Variants in EVI5 observed in about 807,000 individuals in gnomAD.
The protein encoded by EVI5 is ecotropic viral integration site 5.
Under a neutral mutation model 112.0 loss-of-function variants are expected in EVI5, and 73 were observed. That is an observed-to-expected ratio of 0.65 (90% CI 0.54 to 0.79). EVI5 has a LOEUF of 0.79. Among genes scored for constraint, EVI5 ranks in the 30% least tolerant of loss-of-function variants. The probability of loss-of-function intolerance (pLI) is 0.00; values close to 1 mark genes in which losing one functional copy is unlikely to be tolerated. For missense variants in EVI5, 900 were observed against 968.8 expected (o/e 0.93, Z 0.94); for synonymous variants, 305 against 319.9 (o/e 0.95, Z 0.50).
Position 92,513,601 on chromosome 1 carries a change from A to C in EVI5, c.*55T>G. 3 of 1,034,026 alleles carry C rather than the reference A, an allele frequency of 2.9e-6. No homozygotes were observed. Among genetic ancestry groups the C allele is most frequent in the Non-Finnish European group, 2.7e-6 (2 of 741,410 alleles). 64.1% of individuals were successfully genotyped at this position (1,034,026 alleles called of 1,614,324 possible). On this transcript the variant is annotated 3_prime_UTR_variant, in exon 20 of 20. Coordinates refer to ENST00000684568, the MANE Select transcript of EVI5 (RefSeq NM_001350197.2). ...AAACAAATTATTTCCAAAAAGCCCT[A>C]ATCATATGATAACTGATCCCTTAAA...
chr1:92,624,601 G>A (rs996053180), intron 15 of EVI5, among the ~76,000 whole-genome samples: 1 of 139,140 alleles, frequency 7.2e-6, no homozygotes, highest in Non-Finnish European at 1.5e-5. Context: ...CCAGCACTTT[G>A]GGAGGCCAAG....
chr1:92,554,066 G>C (rs1667350812), intron 19 of EVI5, among the ~76,000 whole-genome samples: 2 of 152,170 alleles, frequency 1.3e-5, no homozygotes, highest in African/African-American at 4.8e-5. Flanking sequence ...ATATTTAAAA[G>C]CTACAATGCT....
chr1:92,562,582 T>A (rs1668800883), intron 19 of EVI5, among the ~76,000 whole-genome samples: 1 of 152,194 alleles, frequency 6.6e-6, no homozygotes, highest in African/African-American at 2.4e-5. Context: ...ATATGTAAGA[T>A]CCTGAATCCC....
chr1:92,772,574 A>G (rs1013617509), intron 1 of EVI5, among the ~76,000 whole-genome samples: 2 of 152,108 alleles, frequency 1.3e-5, no homozygotes, highest in Non-Finnish European at 2.9e-5. Context: ...TCCAAAATAA[A>G]TGAAAGTGTA....
intron 19 of EVI5, among the ~76,000 whole-genome samples, chr1:92,543,822 C>T (rs1265594082): frequency 1.3e-5 from 2 of 152,096 alleles, no homozygotes; most frequent in Non-Finnish European, 2.9e-5. Flanking sequence ...AGTGAGCACA[C>T]GCTGTTGGAA....
chr1:92,579,202 T>A (rs1435083094), intron 18 of EVI5, among the ~76,000 whole-genome samples: 1 of 152,198 alleles, frequency 6.6e-6, no homozygotes, highest in Non-Finnish European at 1.5e-5. Context: ...TCTGTAGCAT[T>A]GGATGATCAG....
chr1:92,707,203 CAAG>C (rs1672156040), intron 2 of EVI5, among the ~76,000 whole-genome samples: 1 of 85,124 alleles, frequency 1.2e-5, no homozygotes, highest in Non-Finnish European at 2.5e-5. Flanking sequence ...AAAAAAAACA[CAAG>C]AAAACCTCTT....
At chr1:92,741,380 T>C (rs890412121) in intron 1 of EVI5, among the ~76,000 whole-genome samples, 1 of 152,150 alleles carries the variant, frequency 6.6e-6, no homozygotes, top group Non-Finnish European at 1.5e-5. Context: ...TTGAGGAGTA[T>C]CTGAGAGATA....
At chr1:92,588,621 T>A (rs574947840) in intron 18 of EVI5, among the ~76,000 whole-genome samples, 13 of 152,374 alleles carry the variant, frequency 8.5e-5, no homozygotes, top group African/African-American at 2.9e-4. Context: ...TTTATTTTTT[T>A]CATCTAACTT....
At chr1:92,761,522 G>A (rs894216858) in intron 1 of EVI5, among the ~76,000 whole-genome samples, 1 of 152,094 alleles carries the variant, frequency 6.6e-6, no homozygotes, top group African/African-American at 2.4e-5. Flanking sequence ...TGCATACATC[G>A]TTATGTCTCC....
chr1:92,608,482 T>C (rs764308231), intron 16 of EVI5, among the ~76,000 whole-genome samples: 25 of 152,178 alleles, frequency 1.6e-4, no homozygotes, highest in Non-Finnish European at 2.6e-4. Context: ...GGTGGGCAGA[T>C]CACTTGTGGC....
chr1:92,740,755 A>G (rs1401155239), intron 1 of EVI5, among the ~76,000 whole-genome samples: 1 of 152,224 alleles, frequency 6.6e-6, no homozygotes, highest in Non-Finnish European at 1.5e-5. Context: ...TAAAGATAGT[A>G]CCTTACCCTG....
chr1:92,558,337 T>TTA (rs1553181227), intron 19 of EVI5, among the ~76,000 whole-genome samples: 2 of 151,912 alleles, frequency 1.3e-5, no homozygotes, highest in African/African-American at 4.8e-5. Context: ...AATTTCAGAC[T>TTA]CATATCCACT....
At chr1:92,700,089 A>G (rs1330404866) in intron 5 of EVI5, among the ~76,000 whole-genome samples, 1 of 152,162 alleles carries the variant, frequency 6.6e-6, no homozygotes, top group Admixed American at 6.5e-5. Context: ...CAAAATGAAA[A>G]AATGTGACAC....
At chr1:92,569,695 A>C (rs1007505341) in intron 18 of EVI5, among the ~76,000 whole-genome samples, 9 of 151,900 alleles carry the variant, frequency 5.9e-5, no homozygotes, top group Admixed American at 2.6e-4. Context: ...CTCTACTAAA[A>C]ATACAAAAAC....
In EVI5 at chr1:92,704,618, A is replaced by G; in HGVS notation, c.276T>C (p.Ile92=). The change falls in exon 3 of 20, where the codon ATT becomes ATC. Residue 92 remains isoleucine, a synonymous_variant. Transcript: ENST00000684568. ...NLSHLEEDSW[I]LWGRIVNEWE... Reference sequence around the variant, plus strand: ...ATTCATTAACAATTCTTCCCCAAAGAATCCAAGAATCTTCTTCAAGGTGAC... The same window carrying G: ...ATTCATTAACAATTCTTCCCCAAAGGATCCAAGAATCTTCTTCAAGGTGAC... 1 of 1,599,360 alleles carries G rather than the reference A, an allele frequency of 6.3e-7. No homozygotes were observed. The highest frequency in any genetic ancestry group is 8.5e-7 in the Non-Finnish European group (1 of 1,172,636).
intron 19 of EVI5, among the ~76,000 whole-genome samples, chr1:92,545,147 A>C (rs6658232): frequency 0.94 from 143,096 of 152,324 alleles, 67,335 homozygotes; most frequent in East Asian, 1. Flanking sequence ...TTTATCAATT[A>C]CTCTTTAATT....
intron 1 of EVI5, among the ~76,000 whole-genome samples, chr1:92,767,096 A>AAT (rs1461311053): frequency 1.3e-5 from 2 of 151,570 alleles, no homozygotes; most frequent in Non-Finnish European, 2.9e-5. Flanking sequence ...AAAAAAAAAA[A>AAT]AAAAAATCCA....
At position 92,697,935 on chromosome 1, in the gene EVI5, A is replaced by C; in HGVS notation, c.690T>G (p.Tyr230Ter). 1.2e-6 allele frequency: 2 copies of C among 1,612,598 alleles called. No individual in the cohort carries two copies. Among genetic ancestry groups the C allele is most frequent in the Non-Finnish European group, 1.7e-6 (2 of 1,178,916 alleles). ...TTGGTTTAAAAAGTTCACGAAGTCT[A>C]TAATCTTGCATTAATTTAACAAATA... Reference protein sequence around the residue: ...FCVFVKLMQDYRLRELFKPSM... With the variant: ...FCVFVKLMQD The change falls in exon 6 of 20, where the codon TAT becomes TAG. Residue 230 changes from tyrosine (Y) to a stop codon, truncating the protein, a stop_gained. Transcript: ENST00000684568. LOFTEE classifies it high-confidence loss of function.
Sources: gnomAD v4.1 joint callset for allele counts (sites outside exome capture counted in the v4.1 genomes callset) on GRCh38, gnomAD v4.1.1 for gene constraint, MANE v1.5 for transcripts, NCBI Gene and HGNC (gene_info 2026-07-23, HGNC 2026-07-21) for gene names.